PDE11A: variants seen among roughly 807,000 people sequenced by gnomAD.
The protein encoded by PDE11A is dual 3',5'-cyclic-AMP and -GMP phosphodiesterase 11A.
In PDE11A, 100 loss-of-function variants were observed where a neutral mutation model predicts 100.5. That is an observed-to-expected ratio of 1.00 (90% CI 0.85 to 1.18). PDE11A has a LOEUF of 1.18. Ranked by LOEUF, PDE11A falls within the 50% of genes most tolerant of loss-of-function variation. The pLI is 0.00. For missense variants in PDE11A, 1,141 were observed against 1,152.6 expected (o/e 0.99, Z 0.15); for synonymous variants, 381 against 420.8 (o/e 0.91, Z 1.16).
intron 2 of PDE11A, among the ~76,000 whole-genome samples, chr2:178,007,339 AG>A (rs1173899224): frequency 6.6e-6 from 1 of 152,214 alleles, no homozygotes; most frequent in East Asian, 1.9e-4. Context: ...CTTGAGTTCC[AG>A]ATTTTAAATT....
chr2:178,065,282 A>C (rs1045031143), intron 1 of PDE11A, among the ~76,000 whole-genome samples: 1 of 152,218 alleles, frequency 6.6e-6, no homozygotes, highest in African/African-American at 2.4e-5. Context: ...GTTTCAGAGA[A>C]AAGTTTGTAT....
intron 2 of PDE11A, among the ~76,000 whole-genome samples, chr2:177,993,042 AC>A (rs2086023254): frequency 6.6e-6 from 1 of 152,180 alleles, no homozygotes; most frequent in African/African-American, 2.4e-5. Flanking sequence ...CTTAAGTTAC[AC>A]CACTGACTGT....
At chr2:177,922,475 A>C (rs758154146) in intron 2 of PDE11A, among the ~76,000 whole-genome samples, 41 of 152,148 alleles carry the variant, frequency 2.7e-4, no homozygotes, top group Non-Finnish European at 4.7e-4. Flanking sequence ...ACAACAACAA[A>C]AAATAATAAT....
At chr2:177,883,719 G>A (rs2084383957) in intron 4 of PDE11A, among the ~76,000 whole-genome samples, 1 of 152,216 alleles carries the variant, frequency 6.6e-6, no homozygotes, top group African/African-American at 2.4e-5. Flanking sequence ...CTATAGAAGT[G>A]TGGGTAGGGT....
At chr2:178,059,669 T>C (rs2086942806) in intron 1 of PDE11A, among the ~76,000 whole-genome samples, 1 of 152,034 alleles carries the variant, frequency 6.6e-6, no homozygotes, top group Admixed American at 6.6e-5. Context: ...TTTCCCAGAG[T>C]CCTATTCTCC....
chr2:177,816,703 C>G, intron 9 of PDE11A, 126 bp downstream of exon 9: 2 of 732,394 alleles, frequency 2.7e-6, no homozygotes, highest in South Asian at 2.9e-5. Context: ...AAACCCACAA[C>G]CTAAAATGAT....
At chr2:177,902,552 C>A (rs1461890768) in intron 3 of PDE11A, among the ~76,000 whole-genome samples, 1 of 152,132 alleles carries the variant, frequency 6.6e-6, no homozygotes, top group East Asian at 1.9e-4. Context: ...GCATTTTGTC[C>A]CTCCTTCTAG....
chr2:177,743,131 T>C (rs2081898331), intron 10 of PDE11A, among the ~76,000 whole-genome samples: 1 of 152,226 alleles, frequency 6.6e-6, no homozygotes, highest in South Asian at 2.1e-4. Context: ...TAGCTCTCTT[T>C]TGGGACAAGG....
intron 10 of PDE11A, among the ~76,000 whole-genome samples, chr2:177,757,350 C>T (rs967414724): frequency 2.6e-5 from 4 of 152,308 alleles, no homozygotes; most frequent in Admixed American, 2.0e-4. Flanking sequence ...TCTTAGCTGC[C>T]TGATCCTTAA....
chr2:177,961,275 C>T (rs935725453), intron 2 of PDE11A, among the ~76,000 whole-genome samples: 3 of 151,718 alleles, frequency 2.0e-5, no homozygotes, highest in East Asian at 1.9e-4. Context: ...TTTTTTTAAT[C>T]GGTGAGAATC....
intron 12 of PDE11A, among the ~76,000 whole-genome samples, chr2:177,716,190 T>C (rs762927489): frequency 1.3e-5 from 2 of 152,228 alleles, no homozygotes; most frequent in Non-Finnish European, 2.9e-5. Context: ...ATTCAGTTTT[T>C]CTGGCAAATA....
chr2:177,945,806 C>T (rs2085411882), intron 2 of PDE11A, among the ~76,000 whole-genome samples: 1 of 148,246 alleles, frequency 6.7e-6, no homozygotes, highest in Non-Finnish European at 1.5e-5. Context: ...CCCGGCCAGC[C>T]GTGCCATCCG....
At chr2:177,755,120 A>G (rs2082074255) in intron 10 of PDE11A, among the ~76,000 whole-genome samples, 1 of 152,186 alleles carries the variant, frequency 6.6e-6, no homozygotes, top group African/African-American at 2.4e-5. Flanking sequence ...CTGATGGGCT[A>G]GTCATTAGTG....
intron 16 of PDE11A, 62 bp downstream of exon 16, chr2:177,680,764 A>G: frequency 1.1e-6 from 1 of 924,010 alleles, no homozygotes; most frequent in South Asian, 1.4e-5. Context: ...TACTGTCAGA[A>G]AATTTATGTG....
At chr2:177,978,970 T>C (rs59268456) in intron 2 of PDE11A, among the ~76,000 whole-genome samples, 10,723 of 127,714 alleles carry the variant, frequency 0.084, 208 homozygotes, top group Middle Eastern at 0.14. Context: ...GAGATATACC[T>C]AATGCTAGAT....
At chr2:177,659,242 CA>C (rs2080437327) in intron 19 of PDE11A, among the ~76,000 whole-genome samples, 1 of 104,548 alleles carries the variant, frequency 9.6e-6, no homozygotes, top group Non-Finnish European at 1.8e-5. Context: ...GCCTGGGCAA[CA>C]AGAGCAAAAT....
chr2:177,779,698 T>C (rs2082425571), intron 9 of PDE11A, among the ~76,000 whole-genome samples: 1 of 152,206 alleles, frequency 6.6e-6, no homozygotes, highest in Admixed American at 6.5e-5. Flanking sequence ...TCTAGTTCTC[T>C]TGCTATTTCC....
intron 13 of PDE11A, among the ~76,000 whole-genome samples, chr2:177,704,888 T>G (rs1324003519): frequency 6.6e-6 from 1 of 152,128 alleles, no homozygotes; most frequent in African/African-American, 2.4e-5. Flanking sequence ...TCACCCAGGC[T>G]GGAGTGCAAT....
rs201159346 is a variant in PDE11A at position 177,743,492 on chromosome 2, G to A, written c.1789-15320C>T. Among the ~76,000 whole-genome samples the A allele has an allele frequency of 9.8e-5, 15 of 152,314 alleles. No individual in the cohort carries two copies. The East Asian group carries it at 2.7e-3, about 27-fold the overall frequency. Reference sequence around the variant, plus strand: ...GCATTGGATGACAGGGCACAGGGTAGAAATGCCTGCACAACTCTCAGATAA... The same window carrying A: ...GCATTGGATGACAGGGCACAGGGTAAAAATGCCTGCACAACTCTCAGATAA... On this transcript the variant is annotated intron_variant, in intron 10 of 19. Coordinates refer to ENST00000286063, the MANE Select transcript of PDE11A (RefSeq NM_016953.4).
Sources: gnomAD v4.1 joint callset for allele counts (sites outside exome capture counted in the v4.1 genomes callset) on GRCh38, gnomAD v4.1.1 for gene constraint, MANE v1.5 for transcripts, NCBI Gene and HGNC (gene_info 2026-07-23, HGNC 2026-07-21) for gene names.